The following SKIC3 variants were observed in gnomAD, a reference collection of about 807,000 sequenced individuals.
SKIC3 encodes the protein SKI3 subunit of superkiller complex, also known as superkiller complex protein 3.
At chr5:95,502,880 C>T in the SKIC3 span, 1 of 1,613,206 alleles carries the variant, frequency 6.2e-7, no homozygotes, top group African/African-American at 1.3e-5. Flanking sequence ...CTATACATAC[C>T]ATTTAAATAG....
chr5:95,527,419 T>C, the SKIC3 span, among the ~76,000 whole-genome samples: 1 of 152,184 alleles, frequency 6.6e-6, no homozygotes, highest in Admixed American at 6.5e-5. Context: ...CAAAGCCCTT[T>C]GAAATACATA....
At chr5:95,529,339 C>T in the SKIC3 span, 2 of 560,128 alleles carry the variant, frequency 3.6e-6, no homozygotes, top group African/African-American at 1.9e-5. Flanking sequence ...GCTTGCCATC[C>T]ACCCCAATGC....
chr5:95,498,736 C>T, the SKIC3 span: 2 of 750,904 alleles, frequency 2.7e-6, no homozygotes, highest in Non-Finnish European at 4.3e-6. Flanking sequence ...CGCCATTCTC[C>T]TGCCTCAGCC....
the SKIC3 span, chr5:95,512,798 T>C: frequency 1.5e-6 from 1 of 655,696 alleles, no homozygotes; most frequent in South Asian, 2.0e-5. Context: ...GAAGAACATA[T>C]TGAAATTATT....
chr5:95,550,719 TA>T, the SKIC3 span: 1 of 152,524 alleles, frequency 6.6e-6, no homozygotes, highest in East Asian at 1.9e-4. Flanking sequence ...CAAAACCTTC[TA>T]AACTTTTTAA....
chr5:95,484,984 A>T, the SKIC3 span: 3 of 885,880 alleles, frequency 3.4e-6, no homozygotes, highest in Non-Finnish European at 5.4e-6. Context: ...CACATGTACC[A>T]TAGACTATCC....
At chr5:95,509,148 A>G in the SKIC3 span, among the ~76,000 whole-genome samples, 1 of 152,208 alleles carries the variant, frequency 6.6e-6, no homozygotes, top group Non-Finnish European at 1.5e-5. Flanking sequence ...TCAGGAAAGG[A>G]GTCAAAACAA....
chr5:95,533,084 C>T, the SKIC3 span, among the ~76,000 whole-genome samples: 3 of 151,882 alleles, frequency 2.0e-5, no homozygotes, highest in African/African-American at 7.3e-5. Flanking sequence ...ATTTGAAGAA[C>T]CAAGCTTTTT....
chr5:95,516,394 T>A, the SKIC3 span: 1 of 1,613,158 alleles, frequency 6.2e-7, no homozygotes, highest in Non-Finnish European at 8.5e-7. Context: ...CCCAAGTTGG[T>A]CCATGCAACA....
At chr5:95,511,318 G>A in the SKIC3 span, among the ~76,000 whole-genome samples, 36 of 152,222 alleles carry the variant, frequency 2.4e-4, no homozygotes, top group Non-Finnish European at 7.3e-5. Flanking sequence ...GAAGGCTAAG[G>A]CAAGAGAATG....
At chr5:95,502,444 C>T in the SKIC3 span, among the ~76,000 whole-genome samples, 3 of 152,090 alleles carry the variant, frequency 2.0e-5, no homozygotes, top group Non-Finnish European at 2.9e-5. Context: ...TCCAAAAACA[C>T]AGAAATAGTT....
the SKIC3 span, chr5:95,523,111 A>G: frequency 6.5e-7 from 1 of 1,549,984 alleles, no homozygotes; most frequent in South Asian, 1.1e-5. Flanking sequence ...TCTTCTCTCA[A>G]AATACAACCT....
the SKIC3 span, chr5:95,482,413 A>G: frequency 6.5e-7 from 1 of 1,536,702 alleles, no homozygotes; most frequent in East Asian, 2.2e-5. Flanking sequence ...TAGCCCTGAC[A>G]TTAACTAATA....
At chr5:95,498,426 A>G in the SKIC3 span, 12 of 1,614,212 alleles carry the variant, frequency 7.4e-6, no homozygotes, top group East Asian at 2.2e-5. Flanking sequence ...CTTGGAGTGC[A>G]TAAATCGCTG....
the SKIC3 span, chr5:95,509,489 C>T: frequency 1.2e-6 from 1 of 850,420 alleles, no homozygotes; most frequent in South Asian, 1.4e-5. Context: ...CGTGAACATC[C>T]CCTGGCTTCA....
chr5:95,473,586 T>C, the SKIC3 span, among the ~76,000 whole-genome samples: 1 of 152,350 alleles, frequency 6.6e-6, no homozygotes, highest in Admixed American at 6.5e-5. Flanking sequence ...TGTTATTTTT[T>C]GACTTTTTAA....
chr5:95,497,372 C>T, the SKIC3 span: 4 of 1,454,372 alleles, frequency 2.8e-6, no homozygotes, highest in East Asian at 2.3e-5. Context: ...TACCATATCA[C>T]AAGTTATTTT....
At chr5:95,496,388 G>T in the SKIC3 span, among the ~76,000 whole-genome samples, 4 of 152,052 alleles carry the variant, frequency 2.6e-5, no homozygotes, top group Admixed American at 6.6e-5. Flanking sequence ...TAAGGCCCAG[G>T]TTAACACAAG....
At chr5:95,540,495 T>TA in the SKIC3 span, among the ~76,000 whole-genome samples, 1 of 149,876 alleles carries the variant, frequency 6.7e-6, no homozygotes, top group Non-Finnish European at 1.5e-5. Flanking sequence ...ACAAACCCAA[T>TA]AAAAAATGAG....
Sources: allele counts gnomAD v4.1 joint callset (sites outside exome capture counted in the v4.1 genomes callset), GRCh38; gene constraint gnomAD v4.1.1; transcripts MANE v1.5; gene names NCBI Gene and HGNC (gene_info 2026-07-23, HGNC 2026-07-21).